The following EBF2 variants were observed in gnomAD, a reference collection of about 807,000 sequenced individuals.
EBF2 encodes the protein EBF transcription factor 2, also known as transcription factor COE2.
Under a neutral mutation model 72.8 loss-of-function variants are expected in EBF2, and 21 were observed. That is an observed-to-expected ratio of 0.29 (90% confidence interval 0.20 to 0.42). The LOEUF is 0.42. Ranked by LOEUF, EBF2 falls within the 10% of genes least tolerant of loss-of-function variation. EBF2 has a pLI of 1.00. For missense variants in EBF2, 637 were observed against 731.2 expected (o/e 0.87, Z 1.49); for synonymous variants, 299 against 274.2 (o/e 1.09, Z -0.89).
At chr8:25,992,889 G>A (rs1019509840) in intron 6 of EBF2, among the ~76,000 whole-genome samples, 4 of 128,948 alleles carry the variant, frequency 3.1e-5, no homozygotes, top group Non-Finnish European at 4.8e-5. Flanking sequence ...CGACAAGAAT[G>A]AGGCCTTGTC....
chr8:25,915,387 G>A (rs1803196496), intron 6 of EBF2, among the ~76,000 whole-genome samples: 1 of 151,974 alleles, frequency 6.6e-6, no homozygotes, highest in African/African-American at 2.4e-5. Context: ...CTCTTCTGCT[G>A]GAATAAGAGT....
intron 7 of EBF2, among the ~76,000 whole-genome samples, chr8:25,905,243 T>C (rs552127564): frequency 2.1e-4 from 32 of 152,306 alleles, no homozygotes; most frequent in African/African-American, 6.7e-4. Flanking sequence ...CCAGTGGAAA[T>C]GTAAAATGGT....
intron 14 of EBF2, among the ~76,000 whole-genome samples, chr8:25,857,364 C>T (rs1455173480): frequency 6.6e-6 from 1 of 152,174 alleles, no homozygotes; most frequent in Non-Finnish European, 1.5e-5. Context: ...GCTTCTGTGA[C>T]ATGTCAATTC....
intron 14 of EBF2, 100 bp from the exon 15 acceptor site, chr8:25,850,861 TGTTCCAG>T (rs1801953339): frequency 7.4e-7 from 1 of 1,354,532 alleles, no homozygotes; most frequent in Non-Finnish European, 9.9e-7. Flanking sequence ...TTCCATGCAT[TGTTCCAG>T]ATTGCAGGGA....
chr8:25,947,264 T>C (rs1803785808), intron 6 of EBF2, among the ~76,000 whole-genome samples: 1 of 152,214 alleles, frequency 6.6e-6, no homozygotes, highest in Non-Finnish European at 1.5e-5. Flanking sequence ...ATGATGGTTT[T>C]GTAAAGGAGA....
chr8:25,858,619 G>T, intron 13 of EBF2, 115 bp from the exon 14 acceptor site: 1 of 932,794 alleles, frequency 1.1e-6, no homozygotes, highest in Non-Finnish European at 1.6e-6. Context: ...GCTGCCCCGG[G>T]CAGTTGTAGG....
At position 25,853,657 on chromosome 8, in the gene EBF2, G is replaced by A. The variant is rs549490908; in HGVS notation, c.1529-2896C>T. On this transcript the variant is annotated intron_variant, in intron 14 of 15. Transcript: ENST00000520164. ...ATCTCTAGAAATTAATCCCAAGGAG[G>A]TAGTCACGACTGTGCCAAAAATAAT... Among the ~76,000 whole-genome samples the A allele has an allele frequency of 5.3e-5, 8 of 152,132 alleles. No individual in the cohort carries two copies. The East Asian group carries it at 1.5e-3, about 29-fold the overall frequency.
At chr8:26,020,184 A>C (rs1019051356) in intron 6 of EBF2, among the ~76,000 whole-genome samples, 6 of 152,214 alleles carry the variant, frequency 3.9e-5, no homozygotes, top group Non-Finnish European at 5.9e-5. Context: ...AGCCACCATA[A>C]AAATAGAAAA....
chr8:25,889,128 GTATTATAAGGTC>G (rs1267202842), intron 8 of EBF2, among the ~76,000 whole-genome samples: 5 of 152,132 alleles, frequency 3.3e-5, no homozygotes, highest in African/African-American at 1.2e-4. Context: ...CCAACATTCT[GTATTATAAGGTC>G]TTTCTATACC....
intron 6 of EBF2, among the ~76,000 whole-genome samples, chr8:25,960,766 A>G (rs535757296): frequency 6.6e-6 from 1 of 152,328 alleles, no homozygotes; most frequent in South Asian, 2.1e-4. Context: ...GGTGGTCAGA[A>G]TTATTTCTCA....
intron 6 of EBF2, among the ~76,000 whole-genome samples, chr8:25,950,905 A>G (rs1803849049): frequency 6.6e-6 from 1 of 152,218 alleles, no homozygotes; most frequent in Admixed American, 6.5e-5. Flanking sequence ...AAAAATAAGT[A>G]CAATTCAAAA....
intron 7 of EBF2, among the ~76,000 whole-genome samples, chr8:25,898,872 T>A (rs1463016091): frequency 6.6e-6 from 1 of 152,178 alleles, no homozygotes; most frequent in Non-Finnish European, 1.5e-5. Flanking sequence ...AAGTTCTGCA[T>A]TCGATAGTCC....
At chr8:25,852,898 G>GTAGT (rs1008279403) in intron 14 of EBF2, among the ~76,000 whole-genome samples, 14 of 151,590 alleles carry the variant, frequency 9.2e-5, no homozygotes, top group Non-Finnish European at 1.8e-4. Context: ...CTTTTTTTAA[G>GTAGT]TAGTAAGAAG....
At chr8:26,026,517 G>A (rs1351670003) in intron 6 of EBF2, among the ~76,000 whole-genome samples, 2 of 152,132 alleles carry the variant, frequency 1.3e-5, no homozygotes, top group African/African-American at 4.8e-5. Flanking sequence ...CCCAACACAG[G>A]TCTTCTGGTC....
At chr8:26,019,198 C>T (rs751055789) in intron 6 of EBF2, among the ~76,000 whole-genome samples, 3 of 152,132 alleles carry the variant, frequency 2.0e-5, no homozygotes, top group African/African-American at 7.2e-5. Flanking sequence ...TCAAGGTCAT[C>T]CCATTTGATT....
chr8:25,994,694 A>ACCAAATGCTGCATGT (rs1804595344), intron 6 of EBF2, among the ~76,000 whole-genome samples: 1 of 152,256 alleles, frequency 6.6e-6, no homozygotes, highest in African/African-American at 2.4e-5. Context: ...GGAGCAGAAA[A>ACCAAATGCTGCATGT]CCAAATGCTG....
At chr8:25,871,868 A>C (rs1802444095) in intron 10 of EBF2, among the ~76,000 whole-genome samples, 2 of 152,222 alleles carry the variant, frequency 1.3e-5, no homozygotes. Context: ...TCTTGGACCC[A>C]ATAAATAAAT....
intron 6 of EBF2, among the ~76,000 whole-genome samples, chr8:26,016,796 G>A (rs1375082269): frequency 6.6e-6 from 1 of 152,140 alleles, no homozygotes; most frequent in African/African-American, 2.4e-5. Flanking sequence ...TGTCTCCTGA[G>A]TAATAAAGTC....
At chr8:26,030,633 T>C (rs1037464699) in intron 6 of EBF2, among the ~76,000 whole-genome samples, 1 of 152,068 alleles carries the variant, frequency 6.6e-6, no homozygotes, top group Non-Finnish European at 1.5e-5. Context: ...TAAGGTGGGC[T>C]CACTTAAAAC....
Sources: gnomAD v4.1 joint callset for allele counts (sites outside exome capture counted in the v4.1 genomes callset) on GRCh38, gnomAD v4.1.1 for gene constraint, MANE v1.5 for transcripts, NCBI Gene and HGNC (gene_info 2026-07-23, HGNC 2026-07-21) for gene names.